Variants in ADGRB3 observed in about 807,000 individuals in gnomAD.
ADGRB3 encodes adhesion G protein-coupled receptor B3, also known as brain-specific angiogenesis inhibitor 3.
A neutral mutation model predicts 193.4 loss-of-function variants in ADGRB3; 37 were observed. That is an observed-to-expected ratio of 0.19 (90% CI 0.15 to 0.25). ADGRB3 has a LOEUF of 0.25. Ranked by LOEUF, ADGRB3 falls within the 10% of genes least tolerant of loss-of-function variation. The pLI is 1.00. For missense variants in ADGRB3, 1,637 were observed against 1,852.9 expected (o/e 0.88, Z 2.14); for synonymous variants, 690 against 644.2 (o/e 1.07, Z -1.08).
intron 15 of ADGRB3, among the ~76,000 whole-genome samples, chr6:69,057,598 T>C (rs752495274): frequency 6.6e-6 from 1 of 152,056 alleles, no homozygotes; most frequent in Non-Finnish European, 1.5e-5. Context: ...TATGTTGAGA[T>C]AATTTCTTCA....
At chr6:69,166,638 A>G (rs1233309920) in intron 17 of ADGRB3, among the ~76,000 whole-genome samples, 2 of 152,088 alleles carry the variant, frequency 1.3e-5, no homozygotes, top group Non-Finnish European at 2.9e-5. Flanking sequence ...TTAATTTTCC[A>G]ACAAATATTG....
At chr6:68,772,738 C>G (rs1766642921) in intron 3 of ADGRB3, among the ~76,000 whole-genome samples, 1 of 150,934 alleles carries the variant, frequency 6.6e-6, no homozygotes, top group Non-Finnish European at 1.5e-5. Context: ...AACAAACAGG[C>G]CAGGTGTGGT....
chr6:69,091,855 A>G (rs1220527126), intron 17 of ADGRB3, among the ~76,000 whole-genome samples: 1 of 152,216 alleles, frequency 6.6e-6, no homozygotes, highest in African/African-American at 2.4e-5. Context: ...AATAAAAATC[A>G]TGTTAAATGT....
intron 13 of ADGRB3, 152 bp from the exon 14 acceptor site, chr6:69,048,033 C>A: frequency 1.2e-6 from 1 of 844,146 alleles, no homozygotes; most frequent in Non-Finnish European, 1.8e-6. Context: ...GAAATTTTGT[C>A]TAATAAGACA....
At chr6:69,348,016 T>C (rs1769141370) in intron 26 of ADGRB3, among the ~76,000 whole-genome samples, 1 of 152,116 alleles carries the variant, frequency 6.6e-6, no homozygotes, top group South Asian at 2.1e-4. Context: ...GGCAGGGAAA[T>C]GTAAATTCTA....
intron 20 of ADGRB3, among the ~76,000 whole-genome samples, chr6:69,270,116 C>T (rs1767141089): frequency 6.6e-6 from 1 of 152,064 alleles, no homozygotes; most frequent in Non-Finnish European, 1.5e-5. Flanking sequence ...CATGGTTTCT[C>T]CACTATGGCT....
chr6:69,264,416 C>T (rs997647960), intron 20 of ADGRB3, among the ~76,000 whole-genome samples: 1 of 151,802 alleles, frequency 6.6e-6, no homozygotes, highest in Non-Finnish European at 1.5e-5. Flanking sequence ...GGTTTTATTA[C>T]CCTGTCTTCT....
intron 11 of ADGRB3, among the ~76,000 whole-genome samples, chr6:69,005,359 A>G (rs1489646493): frequency 2.0e-5 from 3 of 151,644 alleles, no homozygotes; most frequent in Admixed American, 6.6e-5. Context: ...ACTCAGAGGT[A>G]CTGAGAGCGT....
chr6:68,901,430 C>T (rs1209111636), intron 3 of ADGRB3, among the ~76,000 whole-genome samples: 2 of 152,238 alleles, frequency 1.3e-5, no homozygotes, highest in East Asian at 3.9e-4. Flanking sequence ...TTTTATAACC[C>T]AATCATCATT....
intron 17 of ADGRB3, among the ~76,000 whole-genome samples, chr6:69,207,331 A>G (rs1469383517): frequency 2.0e-5 from 3 of 152,172 alleles, no homozygotes; most frequent in Non-Finnish European, 4.4e-5. Context: ...CAAAACTGGC[A>G]GCCTTTTGGG....
intron 3 of ADGRB3, among the ~76,000 whole-genome samples, chr6:68,653,303 G>A (rs1036867051): frequency 4.6e-5 from 7 of 152,132 alleles, no homozygotes; most frequent in Admixed American, 1.3e-4. Context: ...GGTTGGTGGT[G>A]TCACTACAGC....
chr6:68,906,214 T>C (rs925655509), intron 3 of ADGRB3, among the ~76,000 whole-genome samples: 16 of 152,036 alleles, frequency 1.1e-4, no homozygotes, highest in Middle Eastern at 3.4e-3. Flanking sequence ...CCTTAATTTC[T>C]AATTCTTCAG....
At chr6:68,872,922 C>T (rs1297113060) in intron 3 of ADGRB3, among the ~76,000 whole-genome samples, 3 of 152,044 alleles carry the variant, frequency 2.0e-5, no homozygotes, top group Admixed American at 1.3e-4. Context: ...CAAGCTCAAA[C>T]ACTCTAGGAC....
At position 68,794,304 on chromosome 6, in the gene ADGRB3, A is replaced by AAT. The variant is rs1010569932; in HGVS notation, c.758-136241_758-136240dup. On this transcript the variant is annotated intron_variant, in intron 3 of 31. Coordinates refer to ENST00000370598, the MANE Select transcript of ADGRB3 (RefSeq NM_001704.3). ...ATGTTAAGCTCTTCTTAATATTTTG[A>AAT]ATATATATATATATAAAATACACAC... Among the ~76,000 whole-genome samples the AAT allele has an allele frequency of 2.7e-3, 402 of 150,918 alleles. 3 individuals are homozygous for AAT. Among genetic ancestry groups the AAT allele is most frequent in the South Asian group, 0.011 (54 of 4,780 alleles).
At position 68,822,570 on chromosome 6, in the gene ADGRB3, C is replaced by T. The variant is rs1021367389; in HGVS notation, c.758-107989C>T. ...AGGCCAGTATTCCTATTGTTTAGCA[C>T]CTTTTCTTATTAGAATTCAAAAGCT... is the stretch of plus-strand genomic sequence containing the variant. On this transcript the variant is annotated intron_variant, in intron 3 of 31. Coordinates refer to ENST00000370598, the MANE Select transcript of ADGRB3 (RefSeq NM_001704.3). 3.3e-5 allele frequency among the ~76,000 whole-genome samples: 5 copies of T among 151,996 alleles called. No individual in the cohort carries two copies. In the East Asian group the frequency reaches 9.7e-4, roughly 29 times the overall value.
At chr6:68,667,642 G>GT (rs1276928454) in intron 3 of ADGRB3, among the ~76,000 whole-genome samples, 1 of 151,646 alleles carries the variant, frequency 6.6e-6, no homozygotes, top group Non-Finnish European at 1.5e-5. Context: ...AGACTCCAAG[G>GT]TTTTTTTATA....
At chr6:69,302,644 C>T (rs988320965) in intron 20 of ADGRB3, among the ~76,000 whole-genome samples, 1 of 151,884 alleles carries the variant, frequency 6.6e-6, no homozygotes, top group African/African-American at 2.4e-5. Flanking sequence ...AGGATTTCAA[C>T]ATTACAGAAG....
intron 3 of ADGRB3, among the ~76,000 whole-genome samples, chr6:68,733,854 T>G (rs891085071): frequency 6.6e-6 from 1 of 150,998 alleles, no homozygotes; most frequent in Non-Finnish European, 1.5e-5. Context: ...ATGACAAGAA[T>G]GTAATGTTGG....
chr6:68,914,720 G>A (rs1317343686), intron 3 of ADGRB3, among the ~76,000 whole-genome samples: 1 of 152,132 alleles, frequency 6.6e-6, no homozygotes, highest in Admixed American at 6.5e-5. Context: ...TTTGGTAGAG[G>A]CAAAATTTCA....
Sources: gnomAD v4.1 joint callset for allele counts (sites outside exome capture counted in the v4.1 genomes callset) on GRCh38, gnomAD v4.1.1 for gene constraint, MANE v1.5 for transcripts, NCBI Gene and HGNC (gene_info 2026-07-23, HGNC 2026-07-21) for gene names.